Variants in PRIM2 observed in about 807,000 individuals in gnomAD.
PRIM2 encodes the protein DNA primase subunit 2.
In PRIM2, 39 loss-of-function variants were observed where a neutral mutation model predicts 67.3. The ratio of observed to expected loss-of-function variants is 0.58; its 90% CI spans 0.45 to 0.76. PRIM2 has a LOEUF of 0.76. Ranked by LOEUF, PRIM2 falls within the 30% of genes least tolerant of loss-of-function variation. PRIM2 has a pLI of 0.00. For synonymous variants in PRIM2, 143 were observed against 198.7 expected (o/e 0.72, Z 2.36); for missense variants, 398 against 598.7 (o/e 0.66, Z 3.50).
intron 7 of PRIM2, among the ~76,000 whole-genome samples, chr6:57,500,761 A>AT (rs1774114681): frequency 6.6e-6 from 1 of 152,226 alleles, no homozygotes; most frequent in African/African-American, 2.4e-5. Context: ...ACAATAAAGA[A>AT]TGCCAGTTAA....
chr6:57,355,033 G>A (rs1581821580), intron 5 of PRIM2, among the ~76,000 whole-genome samples: 1 of 152,300 alleles, frequency 6.6e-6, no homozygotes, highest in African/African-American at 2.4e-5. Context: ...GCTGGGCGCG[G>A]TGGCTCACAC....
At chr6:57,302,025 G>A in the PRIM2 span, among the ~76,000 whole-genome samples, 2 of 152,182 alleles carry the variant, frequency 1.3e-5, no homozygotes, top group East Asian at 1.9e-4. Flanking sequence ...GAGGCCAAAA[G>A]CTAAGACAGA....
intron 7 of PRIM2, among the ~76,000 whole-genome samples, chr6:57,391,051 A>AT (rs1770327142): frequency 6.6e-6 from 1 of 151,048 alleles, no homozygotes; most frequent in African/African-American, 2.4e-5. Context: ...AGCATCTGTT[A>AT]TTTTTTGACT....
intron 10 of PRIM2, among the ~76,000 whole-genome samples, chr6:57,583,132 G>A (rs1452782526): frequency 1.4e-5 from 2 of 147,358 alleles, no homozygotes; most frequent in African/African-American, 2.5e-5. Context: ...ATTTTTTATG[G>A]CTGCATAGTA....
chr6:57,316,203 G>C (rs1004113729), upstream of PRIM2, among the ~76,000 whole-genome samples: 6 of 152,178 alleles, frequency 3.9e-5, no homozygotes, highest in Admixed American at 3.9e-4. Flanking sequence ...GAGGTGGGCG[G>C]ATCACGAGGT....
At chr6:57,561,618 A>G (rs1775632175) in intron 10 of PRIM2, among the ~76,000 whole-genome samples, 1 of 152,200 alleles carries the variant, frequency 6.6e-6, no homozygotes. Context: ...CCTCTGGATT[A>G]GGCTTTCACT....
intron 5 of PRIM2, among the ~76,000 whole-genome samples, chr6:57,364,019 T>G (rs1359664216): frequency 6.6e-6 from 1 of 152,150 alleles, no homozygotes; most frequent in Non-Finnish European, 1.5e-5. Context: ...CTATATTCTG[T>G]TTTGTCTGTT....
intron 11 of PRIM2, among the ~76,000 whole-genome samples, chr6:57,603,070 T>C (rs1196613666): frequency 0.011 from 1,710 of 152,286 alleles, 31 homozygotes; most frequent in African/African-American, 0.038. Flanking sequence ...ATAACAGTAC[T>C]TTATCAGATT....
At chr6:57,614,977 C>A (rs1776729615) in intron 12 of PRIM2, among the ~76,000 whole-genome samples, 2 of 152,214 alleles carry the variant, frequency 1.3e-5, no homozygotes, top group Admixed American at 1.3e-4. Flanking sequence ...GGTATTGTAT[C>A]TATCTATCAA....
the PRIM2 span, among the ~76,000 whole-genome samples, chr6:57,227,799 C>T: frequency 6.6e-6 from 1 of 152,174 alleles, no homozygotes; most frequent in Non-Finnish European, 1.5e-5. Flanking sequence ...ATCCAATTCT[C>T]TTAATGGGCA....
chr6:57,271,179 A>C, the PRIM2 span, among the ~76,000 whole-genome samples: 3 of 152,156 alleles, frequency 2.0e-5, no homozygotes. Flanking sequence ...TTCTCTATTC[A>C]TTGGACTAGT....
the PRIM2 span, among the ~76,000 whole-genome samples, chr6:57,229,500 T>A: frequency 6.6e-6 from 1 of 152,032 alleles, no homozygotes; most frequent in Admixed American, 6.6e-5. Context: ...TTATTTTTTT[T>A]TTTTTGAGAC....
intron 10 of PRIM2, among the ~76,000 whole-genome samples, chr6:57,589,953 G>C (rs1341724566): frequency 6.6e-6 from 1 of 152,102 alleles, no homozygotes; most frequent in Non-Finnish European, 1.5e-5. Context: ...TTCATCCCAG[G>C]AGACAAAGAT....
chr6:57,598,225 G>C (rs1776402646), intron 10 of PRIM2, among the ~76,000 whole-genome samples: 1 of 152,190 alleles, frequency 6.6e-6, no homozygotes, highest in Non-Finnish European at 1.5e-5. Flanking sequence ...TGCCAGCCTT[G>C]AGAGATCACC....
chr6:57,458,422 G>A (rs1426454680), intron 7 of PRIM2, among the ~76,000 whole-genome samples: 3 of 152,126 alleles, frequency 2.0e-5, no homozygotes, highest in Non-Finnish European at 2.9e-5. Context: ...TGTGACTCAC[G>A]CCTGTAATCC....
intron 7 of PRIM2, among the ~76,000 whole-genome samples, chr6:57,465,998 T>C (rs1773175979): frequency 7.0e-6 from 1 of 142,188 alleles, no homozygotes; most frequent in African/African-American, 2.6e-5. Flanking sequence ...CAGGCCCCGG[T>C]GTGTGATGTT....
chr6:57,364,689 G>T (rs9475878), intron 5 of PRIM2, among the ~76,000 whole-genome samples: 2 of 151,722 alleles, frequency 1.3e-5, no homozygotes, highest in Non-Finnish European at 2.9e-5. Flanking sequence ...AGAGTCTTCC[G>T]CTTGGCAGGC....
chr6:57,564,776 A>G (rs1775705261), intron 10 of PRIM2, among the ~76,000 whole-genome samples: 1 of 152,202 alleles, frequency 6.6e-6, no homozygotes, highest in Non-Finnish European at 1.5e-5. Flanking sequence ...CTTAAATAAT[A>G]GTAAAAATGT....
chr6:57,253,867 T>C, the PRIM2 span, among the ~76,000 whole-genome samples: 1 of 152,194 alleles, frequency 6.6e-6, no homozygotes, highest in African/African-American at 2.4e-5. Context: ...AAAAGTTGCC[T>C]TTTGCTTCTT....
Sources: gnomAD v4.1 joint callset for allele counts (sites outside exome capture counted in the v4.1 genomes callset) on GRCh38, gnomAD v4.1.1 for gene constraint, MANE v1.5 for transcripts, NCBI Gene and HGNC (gene_info 2026-07-23, HGNC 2026-07-21) for gene names.